Variants in DOCK3 observed in about 807,000 individuals in gnomAD.
The protein encoded by DOCK3 is dedicator of cytokinesis 3.
In DOCK3, 60 loss-of-function variants were observed where a neutral mutation model predicts 265.6. That is an observed-to-expected ratio of 0.23 (90% CI 0.18 to 0.28). DOCK3 has a LOEUF of 0.28. Among genes scored for constraint, DOCK3 ranks in the 10% least tolerant of loss-of-function variants. The probability of loss-of-function intolerance (pLI) is 1.00; values close to 1 mark genes in which losing one functional copy is unlikely to be tolerated. For synonymous variants in DOCK3, 881 were observed against 938.0 expected (o/e 0.94, Z 1.11); for missense variants, 1,981 against 2,594.3 (o/e 0.76, Z 5.14).
At chr3:50,855,530 T>A (rs532361473) in intron 3 of DOCK3, among the ~76,000 whole-genome samples, 2 of 152,320 alleles carry the variant, frequency 1.3e-5, no homozygotes, top group East Asian at 3.9e-4. Context: ...GAAACTTTAC[T>A]GAAGTAATTT....
chr3:51,096,496 G>T (rs2109658499), intron 9 of DOCK3, among the ~76,000 whole-genome samples: 2 of 152,220 alleles, frequency 1.3e-5, no homozygotes, highest in East Asian at 3.9e-4. Flanking sequence ...GCCCCATCAG[G>T]TCATTTATGT....
In DOCK3 at chr3:50,922,863, A is replaced by G. The variant is rs987797190; in HGVS notation, c.219-11118A>G. Among the ~76,000 whole-genome samples the G allele has an allele frequency of 7.9e-5, 12 of 151,582 alleles. 1 individual carries two copies. Among genetic ancestry groups the G allele is most frequent in the Admixed American group, 6.6e-4 (10 of 15,218 alleles). On this transcript the variant is annotated intron_variant, in intron 4 of 52. Transcript: ENST00000266037. ...TGATTTGTGAGATTTTGGTGTACCC[A>G]TCACCCAAGCAGTATACACTGCACC...
At chr3:51,240,016 A>G (rs1418608454) in intron 21 of DOCK3, among the ~76,000 whole-genome samples, 1 of 152,078 alleles carries the variant, frequency 6.6e-6, no homozygotes. Flanking sequence ...TTAGTTCTCT[A>G]GTTCTTTTAG....
chr3:50,944,960 C>G (rs1425808777), intron 5 of DOCK3, among the ~76,000 whole-genome samples: 4 of 151,908 alleles, frequency 2.6e-5, no homozygotes, highest in African/African-American at 9.7e-5. Context: ...AACTCCATCT[C>G]AAAAAAACAA....
chr3:51,199,427 C>T (rs916765172), intron 12 of DOCK3, among the ~76,000 whole-genome samples: 2 of 152,194 alleles, frequency 1.3e-5, no homozygotes, highest in African/African-American at 2.4e-5. Flanking sequence ...CACGGAGTCT[C>T]GCTGATTGCT....
intron 5 of DOCK3, among the ~76,000 whole-genome samples, chr3:50,997,184 C>T (rs117238425): frequency 7.0e-4 from 106 of 152,198 alleles, no homozygotes; most frequent in African/African-American, 2.3e-3. Context: ...GCACCCTATA[C>T]GTACAAATAC....
At chr3:50,783,668 A>C (rs2042037499) in intron 2 of DOCK3, among the ~76,000 whole-genome samples, 1 of 151,950 alleles carries the variant, frequency 6.6e-6, no homozygotes, top group African/African-American at 2.4e-5. Context: ...TACTCTGCTG[A>C]TTATTTCTTC....
intron 5 of DOCK3, among the ~76,000 whole-genome samples, chr3:50,970,238 T>C (rs914509318): frequency 1.3e-5 from 2 of 152,174 alleles, no homozygotes; most frequent in African/African-American, 4.8e-5. Context: ...TTCCTTTACG[T>C]TCACTTTAGA....
At chr3:50,941,863 A>T (rs990192623) in intron 5 of DOCK3, among the ~76,000 whole-genome samples, 2 of 152,070 alleles carry the variant, frequency 1.3e-5, no homozygotes, top group Non-Finnish European at 2.9e-5. Flanking sequence ...AATTATAGCA[A>T]TTAAGACAGA....
At chr3:50,860,403 G>T (rs1005968176) in intron 3 of DOCK3, among the ~76,000 whole-genome samples, 1 of 152,132 alleles carries the variant, frequency 6.6e-6, no homozygotes, top group African/African-American at 2.4e-5. Context: ...TGAGGCTTAG[G>T]CCTGGAGGAC....
chr3:51,365,581 G>A (rs1222676130), intron 49 of DOCK3, among the ~76,000 whole-genome samples: 1 of 152,186 alleles, frequency 6.6e-6, no homozygotes, highest in East Asian at 1.9e-4. Context: ...CAAAGGGAAT[G>A]CTTCCAGTTT....
At chr3:51,298,961 T>C (rs2082242425) in intron 27 of DOCK3, among the ~76,000 whole-genome samples, 1 of 152,206 alleles carries the variant, frequency 6.6e-6, no homozygotes, top group African/African-American at 2.4e-5. Flanking sequence ...GGCCAAATGG[T>C]ATTTTTGCTT....
intron 6 of DOCK3, among the ~76,000 whole-genome samples, chr3:51,069,921 A>T (rs553261494): frequency 1.3e-5 from 2 of 152,230 alleles, no homozygotes; most frequent in African/African-American, 4.8e-5. Context: ...ACCTGAAATT[A>T]GCAGAAGTTT....
At chr3:51,041,641 T>G (rs1343970325) in intron 5 of DOCK3, among the ~76,000 whole-genome samples, 1 of 152,162 alleles carries the variant, frequency 6.6e-6, no homozygotes, top group African/African-American at 2.4e-5. Context: ...TCCATCAAGA[T>G]CTTAGGTAAC....
chr3:50,901,017 G>A (rs1007744121), intron 4 of DOCK3: 10 of 367,742 alleles, frequency 2.7e-5, no homozygotes, highest in South Asian at 8.4e-5. Flanking sequence ...TGGGAGATTC[G>A]CTCCTCTCTT....
intron 1 of DOCK3, among the ~76,000 whole-genome samples, chr3:50,745,877 T>A (rs1327054527): frequency 6.6e-6 from 1 of 152,246 alleles, no homozygotes; most frequent in Non-Finnish European, 1.5e-5. Context: ...TATTCCAGTT[T>A]CCTGTTTGTT....
chr3:51,248,439 C>G (rs2078945284), intron 22 of DOCK3, among the ~76,000 whole-genome samples: 1 of 152,260 alleles, frequency 6.6e-6, no homozygotes, highest in African/African-American at 2.4e-5. Context: ...GAGTGATCCA[C>G]CAGCCTCGGC....
intron 3 of DOCK3, among the ~76,000 whole-genome samples, chr3:50,847,377 T>TG (rs2046131957): frequency 6.6e-6 from 1 of 152,208 alleles, no homozygotes; most frequent in South Asian, 2.1e-4. Flanking sequence ...TATTGAAACT[T>TG]GCTTTATGGT....
At position 51,262,721 on chromosome 3, in the gene DOCK3, A is replaced by G. The variant is rs568745209; in HGVS notation, c.2355+2395A>G. Among the ~76,000 whole-genome samples the G allele has an allele frequency of 8.5e-5, 13 of 152,328 alleles. No individual in the cohort carries two copies. The South Asian group carries it at 1.2e-3, about 15-fold the overall frequency. On this transcript the variant is annotated intron_variant, in intron 23 of 52. Coordinates refer to ENST00000266037, the MANE Select transcript of DOCK3 (RefSeq NM_004947.5). ...TACAATAACCAGTTTAGAGAAGAAC[A>G]TAAATGACCTGATGGAGCTGAAAAA...
Sources: gnomAD v4.1 joint callset for allele counts (sites outside exome capture counted in the v4.1 genomes callset) on GRCh38, gnomAD v4.1.1 for gene constraint, MANE v1.5 for transcripts, NCBI Gene and HGNC (gene_info 2026-07-23, HGNC 2026-07-21) for gene names.